Variants in DLG2 observed in about 807,000 individuals in gnomAD.
The protein encoded by DLG2 is discs large MAGUK scaffold protein 2, also known as disks large homolog 2.
DLG2 carries 45 observed loss-of-function variants against 132.5 expected under a neutral mutation model. The ratio of observed to expected loss-of-function variants is 0.34; its 90% CI spans 0.27 to 0.44. The LOEUF is 0.44. Ranked by LOEUF, DLG2 falls within the 20% of genes least tolerant of loss-of-function variation. The pLI is 1.00. For synonymous variants in DLG2, 424 were observed against 419.6 expected (o/e 1.01, Z -0.13); for missense variants, 1,045 against 1,196.9 (o/e 0.87, Z 1.87).
intron 18 of DLG2, among the ~76,000 whole-genome samples, chr11:83,637,010 G>C (rs771992489): frequency 5.3e-5 from 8 of 152,018 alleles, no homozygotes; most frequent in Non-Finnish European, 1.2e-4. Flanking sequence ...GTAAGATCTG[G>C]GTTTATAAAT....
intron 3 of DLG2, among the ~76,000 whole-genome samples, chr11:85,376,937 T>C (rs1271427401): frequency 6.6e-6 from 1 of 152,130 alleles, no homozygotes; most frequent in African/African-American, 2.4e-5. Flanking sequence ...AAGAAAATAA[T>C]AACACATGTG....
chr11:84,945,258 C>T (rs558414643), intron 6 of DLG2, among the ~76,000 whole-genome samples: 2 of 152,328 alleles, frequency 1.3e-5, no homozygotes, highest in Admixed American at 1.3e-4. Flanking sequence ...GCCGTATCTG[C>T]ACTAGGCGAC....
intron 3 of DLG2, among the ~76,000 whole-genome samples, chr11:85,538,528 G>C (rs2075758147): frequency 6.6e-6 from 1 of 151,850 alleles, no homozygotes; most frequent in Non-Finnish European, 1.5e-5. Flanking sequence ...ATATTATAAA[G>C]ATACATGCAT....
At chr11:84,792,192 T>C (rs2073945502) in intron 6 of DLG2, among the ~76,000 whole-genome samples, 1 of 152,216 alleles carries the variant, frequency 6.6e-6, no homozygotes. Context: ...GAAAAGATCA[T>C]GTGGTTTTTG....
At chr11:85,238,835 CTT>C (rs887562807) in intron 4 of DLG2, among the ~76,000 whole-genome samples, 3 of 144,164 alleles carry the variant, frequency 2.1e-5, no homozygotes, top group African/African-American at 7.6e-5. Context: ...ATTTTCTTTT[CTT>C]TTTTTTTTTT....
At chr11:84,047,702 T>A (rs1176711282) in intron 11 of DLG2, among the ~76,000 whole-genome samples, 1 of 151,668 alleles carries the variant, frequency 6.6e-6, no homozygotes, top group African/African-American at 2.4e-5. Flanking sequence ...GAGCCATTGA[T>A]CATATATTCT....
chr11:84,968,648 G>C (rs1170552956), intron 6 of DLG2, among the ~76,000 whole-genome samples: 2 of 152,056 alleles, frequency 1.3e-5, no homozygotes, highest in East Asian at 3.8e-4. Context: ...TGAAGACTAT[G>C]GTAGAATTTT....
intron 6 of DLG2, among the ~76,000 whole-genome samples, chr11:84,739,614 T>C (rs1368909665): frequency 6.6e-6 from 1 of 152,140 alleles, no homozygotes; most frequent in Non-Finnish European, 1.5e-5. Flanking sequence ...TTGAGAAATA[T>C]TGATAAGGCA....
At chr11:84,615,016 A>G (rs937864649) in intron 6 of DLG2, among the ~76,000 whole-genome samples, 15 of 152,154 alleles carry the variant, frequency 9.9e-5, no homozygotes, top group African/African-American at 3.4e-4. Context: ...AGCCACACTT[A>G]ATTCCTCAGC....
chr11:85,156,253 ATG>A (rs150539117), intron 4 of DLG2, among the ~76,000 whole-genome samples: 2 of 152,004 alleles, frequency 1.3e-5, no homozygotes, highest in African/African-American at 2.4e-5. Context: ...ATGTATATAT[ATG>A]TGTGTGTGTG....
In DLG2 at chr11:84,501,126, C is replaced by T. The variant is rs186005845; in HGVS notation, c.519+33444G>A. On this transcript the variant is annotated intron_variant, in intron 7 of 27. Transcript: ENST00000376104. ...ATAGAAGGATGTGGATTTTTCTACT[C>T]TTATACTTCTTCCCACCCAACTACT... Among the ~76,000 whole-genome samples the T allele has an allele frequency of 2.8e-3, 426 of 152,296 alleles. 2 individuals carry two copies. Among genetic ancestry groups the T allele is most frequent in the African/African-American group, 0.01 (417 of 41,568 alleles).
chr11:84,177,300 T>A (rs952427016), intron 8 of DLG2, among the ~76,000 whole-genome samples: 1 of 152,288 alleles, frequency 6.6e-6, no homozygotes, highest in Admixed American at 6.5e-5. Flanking sequence ...CCTGCCTTTC[T>A]TTCTCTAGCC....
At chr11:83,903,143 C>A (rs2073918016) in intron 15 of DLG2, among the ~76,000 whole-genome samples, 1 of 151,602 alleles carries the variant, frequency 6.6e-6, no homozygotes, top group African/African-American at 2.4e-5. Context: ...TAAATATGGA[C>A]AATTCATTTA....
intron 9 of DLG2, among the ~76,000 whole-genome samples, chr11:84,120,703 T>C (rs1204834659): frequency 6.6e-6 from 1 of 152,212 alleles, no homozygotes; most frequent in African/African-American, 2.4e-5. Context: ...AGTAACTTAG[T>C]AGTTTGCACC....
At chr11:85,426,055 G>A (rs1490347877) in intron 3 of DLG2, among the ~76,000 whole-genome samples, 2 of 152,230 alleles carry the variant, frequency 1.3e-5, no homozygotes, top group Non-Finnish European at 2.9e-5. Flanking sequence ...GCAGCAGTCT[G>A]AGATCAAACT....
chr11:85,527,970 T>C (rs189429757), intron 3 of DLG2, among the ~76,000 whole-genome samples: 22 of 152,052 alleles, frequency 1.4e-4, no homozygotes, highest in African/African-American at 5.1e-4. Flanking sequence ...TTTTTGCATA[T>C]GCTTGTTGTC....
intron 6 of DLG2, among the ~76,000 whole-genome samples, chr11:84,739,016 C>A (rs2064236084): frequency 1.3e-5 from 2 of 151,896 alleles, no homozygotes; most frequent in Non-Finnish European, 2.9e-5. Context: ...TAAAGTAGAT[C>A]TACTGCTTCC....
chr11:85,587,243 T>A (rs1038866335), intron 3 of DLG2, among the ~76,000 whole-genome samples: 6 of 152,266 alleles, frequency 3.9e-5, no homozygotes, highest in African/African-American at 1.4e-4. Flanking sequence ...TTAAATCCAT[T>A]GTTTCCTTGT....
intron 7 of DLG2, among the ~76,000 whole-genome samples, chr11:84,416,201 A>G (rs951160139): frequency 6.9e-5 from 8 of 116,216 alleles, no homozygotes; most frequent in Non-Finnish European, 1.3e-4. Context: ...AGATCTGTCA[A>G]AAATAAAGTC....
Sources: gnomAD v4.1 joint callset for allele counts (sites outside exome capture counted in the v4.1 genomes callset) on GRCh38, gnomAD v4.1.1 for gene constraint, MANE v1.5 for transcripts, NCBI Gene and HGNC (gene_info 2026-07-23, HGNC 2026-07-21) for gene names.